FANCC: variants seen among roughly 807,000 people sequenced by gnomAD.
FANCC encodes FA complementation group C, also known as Fanconi anemia group C protein.
FANCC carries 55 observed loss-of-function variants against 71.3 expected under a neutral mutation model. That is an observed-to-expected ratio of 0.77 (90% CI 0.62 to 0.97). The LOEUF (loss-of-function observed/expected upper bound fraction) is 0.97. FANCC is among the 50% of genes least tolerant of loss of function. FANCC has a pLI of 0.00. For synonymous variants in FANCC, 275 were observed against 244.9 expected, an observed-to-expected ratio of 1.12 and a Z score of -1.15; for missense variants, 678 against 670.9, an observed-to-expected ratio of 1.01 and a Z score of -0.12.
At chr9:95,111,387 C>T (rs765001013) in intron 13 of FANCC, 76 bp downstream of exon 13, 8 of 1,597,282 alleles carry the variant, frequency 5.0e-6, no homozygotes, top group Non-Finnish European at 6.8e-6. Context: ...AAGCCCACAA[C>T]AGAGCCCCTC....
chr9:95,212,898 G>C (rs139920790), intron 4 of FANCC, among the ~76,000 whole-genome samples: 14 of 152,236 alleles, frequency 9.2e-5, no homozygotes, highest in African/African-American at 3.1e-4. Flanking sequence ...AATATTTGTA[G>C]TCATGTATTA....
chr9:95,196,045 C>T (rs566012397), intron 4 of FANCC, among the ~76,000 whole-genome samples: 60 of 152,214 alleles, frequency 3.9e-4, no homozygotes, highest in African/African-American at 1.4e-3. Context: ...TCTATGTAAA[C>T]GATTATATCA....
chr9:95,273,867 A>G (rs1832880866), intron 1 of FANCC, among the ~76,000 whole-genome samples: 1 of 152,180 alleles, frequency 6.6e-6, no homozygotes, highest in South Asian at 2.1e-4. Context: ...ACTTCAAAAC[A>G]GGGTGTAGCA....
intron 6 of FANCC, among the ~76,000 whole-genome samples, chr9:95,166,005 CTTA>C (rs1009665619): frequency 6.6e-6 from 1 of 152,012 alleles, no homozygotes; most frequent in Non-Finnish European, 1.5e-5. Flanking sequence ...AATTGACACT[CTTA>C]TTATTATATA....
intron 8 of FANCC, among the ~76,000 whole-genome samples, chr9:95,127,612 C>CA (rs968857152): frequency 1.3e-5 from 2 of 152,230 alleles, no homozygotes; most frequent in Non-Finnish European, 2.9e-5. Context: ...CCCTGCTTCA[C>CA]AGCAGCATTC....
At chr9:95,290,382 T>A (rs115096922) in intron 1 of FANCC, among the ~76,000 whole-genome samples, 2,276 of 152,300 alleles carry the variant, frequency 0.015, 58 homozygotes, top group African/African-American at 0.051. Context: ...GTCAGCAATA[T>A]CACTATTCCA....
chr9:95,279,082 A>C (rs1203768279), intron 1 of FANCC, among the ~76,000 whole-genome samples: 1 of 152,080 alleles, frequency 6.6e-6, no homozygotes, highest in African/African-American at 2.4e-5. Context: ...TGGGAGGTGA[A>C]GGCAGGCAGA....
intron 1 of FANCC, among the ~76,000 whole-genome samples, chr9:95,283,341 GA>G (rs1485401336): frequency 1.3e-5 from 2 of 152,344 alleles, no homozygotes; most frequent in Non-Finnish European, 2.9e-5. Context: ...CAGGCAAAAT[GA>G]GAAGATGCCA....
intron 4 of FANCC, among the ~76,000 whole-genome samples, chr9:95,233,755 C>T (rs1047544813): frequency 6.6e-6 from 1 of 152,128 alleles, no homozygotes; most frequent in African/African-American, 2.4e-5. Flanking sequence ...AAGTAGTGCA[C>T]AAGATAGTCC....
At chr9:95,260,693 A>AT (rs1554861394) in intron 1 of FANCC, among the ~76,000 whole-genome samples, 7 of 151,840 alleles carry the variant, frequency 4.6e-5, no homozygotes, top group Non-Finnish European at 8.8e-5. Flanking sequence ...ATATAAAAAA[A>AT]AAAAAAAAAC....
At chr9:95,151,218 C>G (rs1830151048) in intron 6 of FANCC, among the ~76,000 whole-genome samples, 1 of 152,186 alleles carries the variant, frequency 6.6e-6, no homozygotes, top group African/African-American at 2.4e-5. Context: ...CCTCTGAGGG[C>G]AGAAGCTCTA....
At chr9:95,279,614 G>C (rs1379096437) in intron 1 of FANCC, among the ~76,000 whole-genome samples, 3 of 151,834 alleles carry the variant, frequency 2.0e-5, no homozygotes, top group Non-Finnish European at 2.9e-5. Context: ...CAGACATAAA[G>C]CCAACTATGT....
intron 3 of FANCC, among the ~76,000 whole-genome samples, chr9:95,245,826 G>A (rs568970250): frequency 1.9e-4 from 29 of 151,782 alleles, no homozygotes; most frequent in Non-Finnish European, 2.9e-4. Flanking sequence ...GAACCCGGGA[G>A]GCAGAGGTTG....
At chr9:95,108,430 A>ATATC (rs2134479482) in intron 13 of FANCC, among the ~76,000 whole-genome samples, 1 of 152,292 alleles carries the variant, frequency 6.6e-6, no homozygotes, top group East Asian at 1.9e-4. Flanking sequence ...CTATGCCTTT[A>ATATC]TATCTGTTTT....
At chr9:95,236,520 T>C (rs1235613929) in intron 4 of FANCC, among the ~76,000 whole-genome samples, 1 of 152,220 alleles carries the variant, frequency 6.6e-6, no homozygotes, top group African/African-American at 2.4e-5. Flanking sequence ...CTCCAAAACA[T>C]TTTATCAATG....
intron 1 of FANCC, among the ~76,000 whole-genome samples, chr9:95,308,619 T>C (rs148035242): frequency 6.6e-6 from 1 of 152,024 alleles, no homozygotes; most frequent in Non-Finnish European, 1.5e-5. Context: ...ACTCAAGTGA[T>C]CCACCCGCCT....
rs4647538 is a variant in FANCC, at chr9:95,108,061, T to C, written c.1330-792A>G. Among the ~76,000 whole-genome samples, 1,233 of 152,344 alleles carry C rather than the reference T, an allele frequency of 8.1e-3. 15 individuals carry two copies. Among genetic ancestry groups the C allele is most frequent in the African/African-American group, 0.028 (1,178 of 41,586 alleles). ...GCCACATGGAACTCGTGAACAGCTA[T>C]GTTCCATCACTTCTGAAAGAATACT... On this transcript the variant is annotated intron_variant, in intron 13 of 14. Coordinates refer to ENST00000289081, the MANE Select transcript of FANCC (RefSeq NM_000136.3).
intron 10 of FANCC, among the ~76,000 whole-genome samples, chr9:95,122,310 C>T (rs1383519340): frequency 1.3e-5 from 2 of 152,044 alleles, no homozygotes; most frequent in Non-Finnish European, 2.9e-5. Flanking sequence ...AAGAGGGTCA[C>T]GCATCTACCA....
intron 4 of FANCC, among the ~76,000 whole-genome samples, chr9:95,232,074 G>C (rs1460100647): frequency 6.6e-6 from 1 of 152,212 alleles, no homozygotes; most frequent in African/African-American, 2.4e-5. Flanking sequence ...TGGCTTCCGG[G>C]GAGGCCTCAG....
Sources: allele counts gnomAD v4.1 joint callset (sites outside exome capture counted in the v4.1 genomes callset), GRCh38; gene constraint gnomAD v4.1.1; transcripts MANE v1.5; gene names NCBI Gene and HGNC (gene_info 2026-07-23, HGNC 2026-07-21).